Variants in ADAMTSL1 observed in about 807,000 individuals in gnomAD.
ADAMTSL1 encodes the protein ADAMTS like 1, also known as ADAMTS-like protein 1.
Under a neutral mutation model 201.8 loss-of-function variants are expected in ADAMTSL1, and 126 were observed. The ratio of observed to expected loss-of-function variants is 0.62; its 90% CI spans 0.54 to 0.72. The LOEUF is 0.72. ADAMTSL1 is among the 30% of genes least tolerant of loss of function. ADAMTSL1 has a pLI of 0.00. For missense variants in ADAMTSL1, 2,679 were observed against 2,277.8 expected (o/e 1.18, Z -3.59); for synonymous variants, 1,121 against 903.4 (o/e 1.24, Z -4.32).
At chr9:18,783,576 C>T (rs1193884253) in intron 19 of ADAMTSL1, among the ~76,000 whole-genome samples, 1 of 152,108 alleles carries the variant, frequency 6.6e-6, no homozygotes, top group Admixed American at 6.5e-5. Flanking sequence ...CAAATTACAG[C>T]CAGTGGCTTT....
At chr9:18,632,557 C>T (rs963185884) in intron 5 of ADAMTSL1, among the ~76,000 whole-genome samples, 3 of 151,996 alleles carry the variant, frequency 2.0e-5, no homozygotes, top group Admixed American at 1.3e-4. Flanking sequence ...TTTGTATTTC[C>T]CCCATATTTT....
intron 4 of ADAMTSL1, among the ~76,000 whole-genome samples, chr9:18,599,642 T>G (rs1564079875): frequency 6.6e-6 from 1 of 152,122 alleles, no homozygotes; most frequent in African/African-American, 2.4e-5. Flanking sequence ...GTTTTCTCCC[T>G]GAGTTTCGTG....
chr9:18,268,295 C>G (rs924229341), intron 2 of ADAMTSL1, among the ~76,000 whole-genome samples: 4 of 152,080 alleles, frequency 2.6e-5, no homozygotes, highest in Non-Finnish European at 5.9e-5. Flanking sequence ...GCAAAATAAC[C>G]CCCTTTTGGG....
At chr9:17,934,637 C>T (rs1165903892) in intron 1 of ADAMTSL1, among the ~76,000 whole-genome samples, 2 of 152,140 alleles carry the variant, frequency 1.3e-5, no homozygotes, top group East Asian at 3.9e-4. Context: ...TTTCTTTCAT[C>T]AGACCTGCCG....
At chr9:18,105,638 A>G (rs1824724107) in intron 1 of ADAMTSL1, among the ~76,000 whole-genome samples, 1 of 152,164 alleles carries the variant, frequency 6.6e-6, no homozygotes. Flanking sequence ...CCCCACAAAG[A>G]GTGCTTTGCA....
At position 18,685,114 on chromosome 9, in the gene ADAMTSL1, T is replaced by C. The variant is rs370229300; in HGVS notation, c.1574+314T>C. ...AGAAGGCCCAGGCTGCAGCTGATGA[T>C]ATAACATAGATTTGATGCCAAAGTC... On this transcript the variant is annotated intron_variant, in intron 13 of 28. Transcript: ENST00000380548. Among the ~76,000 whole-genome samples, 25 of 152,334 alleles carry C rather than the reference T, an allele frequency of 1.6e-4. No individual in the cohort carries two copies. In the East Asian group the frequency reaches 4.6e-3, roughly 28 times the overall value.
chr9:18,262,818 G>T (rs547529275), intron 2 of ADAMTSL1, among the ~76,000 whole-genome samples: 1 of 152,344 alleles, frequency 6.6e-6, no homozygotes, highest in South Asian at 2.1e-4. Flanking sequence ...TATATGGAAT[G>T]TTCAAATGAC....
chr9:17,945,430 T>A (rs1827420241), intron 1 of ADAMTSL1, among the ~76,000 whole-genome samples: 1 of 142,416 alleles, frequency 7.0e-6, no homozygotes, highest in Non-Finnish European at 1.5e-5. Context: ...GATCTAGAAC[T>A]AGAAATACCA....
chr9:17,936,126 C>G (rs1011042402), intron 1 of ADAMTSL1, among the ~76,000 whole-genome samples: 2 of 152,188 alleles, frequency 1.3e-5, no homozygotes, highest in Non-Finnish European at 2.9e-5. Context: ...CTCATTTCTG[C>G]TCCCCTGATT....
intron 2 of ADAMTSL1, among the ~76,000 whole-genome samples, chr9:18,378,799 A>G (rs1362945128): frequency 1.3e-5 from 2 of 151,420 alleles, no homozygotes; most frequent in African/African-American, 4.9e-5. Context: ...TCCCATATCA[A>G]TAAGTAGTTT....
chr9:18,906,751 T>C lies in ADAMTSL1; in HGVS notation c.5021T>C (p.Leu1674Pro). 1.2e-6 allele frequency: 2 copies of C among 1,613,688 alleles called. No homozygotes were observed. Among genetic ancestry groups the C allele is most frequent in the South Asian group, 2.2e-5 (2 of 91,048 alleles). ...TGCAGTGTACACTGGAGAGTCAGCC[T>C]GTGGACCCTGTGCACAGCTACCTGT... ...EACSVHWRVS[L>P]WTLCTATCGN... is the part of the protein sequence containing the mutation. The change falls in exon 28 of 29, where the codon CTG becomes CCG. Residue 1674 changes from leucine to proline, a missense_variant. Transcript: ENST00000380548.
intron 1 of ADAMTSL1, among the ~76,000 whole-genome samples, chr9:18,118,571 G>A (rs144334168): frequency 3.3e-4 from 50 of 152,260 alleles, no homozygotes; most frequent in South Asian, 8.3e-4. Context: ...TGCCTTTAAT[G>A]GGGGAGAGGG....
At chr9:18,253,486 A>G (rs898945724) in intron 2 of ADAMTSL1, among the ~76,000 whole-genome samples, 1 of 152,252 alleles carries the variant, frequency 6.6e-6, no homozygotes, top group Non-Finnish European at 1.5e-5. Context: ...TTCTAAAAAT[A>G]GAATGAAAAC....
chr9:17,981,021 G>A (rs1409261023), intron 1 of ADAMTSL1, among the ~76,000 whole-genome samples: 1 of 152,160 alleles, frequency 6.6e-6, no homozygotes, highest in Middle Eastern at 3.2e-3. Flanking sequence ...TCATTGCCAC[G>A]AGGATGGGAC....
At chr9:18,597,418 T>G (rs560797121) in intron 4 of ADAMTSL1, among the ~76,000 whole-genome samples, 1 of 152,308 alleles carries the variant, frequency 6.6e-6, no homozygotes, top group African/African-American at 2.4e-5. Flanking sequence ...CTCTCTATTA[T>G]TAATATGCTT....
At chr9:17,925,576 A>G (rs1826490204) in intron 1 of ADAMTSL1, among the ~76,000 whole-genome samples, 1 of 119,432 alleles carries the variant, frequency 8.4e-6, no homozygotes, top group Admixed American at 9.4e-5. Flanking sequence ...GACATTGGAA[A>G]TCATCATTCT....
intron 1 of ADAMTSL1, among the ~76,000 whole-genome samples, chr9:17,956,603 G>A (rs1827942508): frequency 6.6e-6 from 1 of 152,086 alleles, no homozygotes; most frequent in African/African-American, 2.4e-5. Flanking sequence ...GCATGACTCA[G>A]TTTTCCTGCT....
At chr9:18,205,308 A>T (rs1328252093) in intron 2 of ADAMTSL1, among the ~76,000 whole-genome samples, 1 of 152,230 alleles carries the variant, frequency 6.6e-6, no homozygotes, top group African/African-American at 2.4e-5. Flanking sequence ...CTAAGAGAAG[A>T]GAAGATCTAA....
chr9:18,095,062 A>C (rs1464075895), intron 1 of ADAMTSL1, among the ~76,000 whole-genome samples: 1 of 152,178 alleles, frequency 6.6e-6, no homozygotes, highest in Admixed American at 6.5e-5. Flanking sequence ...TTTGGTGCTA[A>C]AAGATAGTTC....
Sources: gnomAD v4.1 joint callset for allele counts (sites outside exome capture counted in the v4.1 genomes callset) on GRCh38, gnomAD v4.1.1 for gene constraint, MANE v1.5 for transcripts, NCBI Gene and HGNC (gene_info 2026-07-23, HGNC 2026-07-21) for gene names.